Variants in RANBP2 observed in about 807,000 individuals in gnomAD.
The protein encoded by RANBP2 is E3 SUMO-protein ligase RanBP2.
In RANBP2, 57 loss-of-function variants were observed where a neutral mutation model predicts 303.6. The observed-to-expected ratio is 0.19, with a 90% confidence interval of 0.15 to 0.23. The LOEUF is 0.23. RANBP2 is among the 10% of genes least tolerant of loss of function. The pLI is 1.00. For missense variants in RANBP2, 3,138 were observed against 3,780.8 expected, an observed-to-expected ratio of 0.83 and a Z score of 4.46; for synonymous variants, 1,167 against 1,301.5, an observed-to-expected ratio of 0.90 and a Z score of 2.23.
the RANBP2 span, among the ~76,000 whole-genome samples, chr2:108,994,862 C>T: frequency 7.0e-6 from 1 of 143,428 alleles, no homozygotes; most frequent in Non-Finnish European, 1.5e-5. Context: ...CAGAGTCTCG[C>T]TCTGTCGCCC....
chr2:108,960,699 T>C, the RANBP2 span, among the ~76,000 whole-genome samples: 6 of 152,376 alleles, frequency 3.9e-5, no homozygotes, highest in East Asian at 1.2e-3. Context: ...AAATCACTGC[T>C]GGTCCTACCA....
the RANBP2 span, among the ~76,000 whole-genome samples, chr2:108,843,788 C>T: frequency 2.0e-5 from 3 of 147,956 alleles, no homozygotes; most frequent in African/African-American, 5.1e-5. Flanking sequence ...AGTCTCTGGG[C>T]ACGTTTTTTG....
chr2:109,455,296 C>G, the RANBP2 span, among the ~76,000 whole-genome samples: 1 of 152,224 alleles, frequency 6.6e-6, no homozygotes, highest in South Asian at 2.1e-4. Flanking sequence ...CCTTCTGGGT[C>G]CACATTGGAC....
the RANBP2 span, among the ~76,000 whole-genome samples, chr2:109,471,039 G>A: frequency 6.6e-6 from 1 of 151,952 alleles, no homozygotes; most frequent in African/African-American, 2.4e-5. Flanking sequence ...AGCCAACATG[G>A]TGAAACCCCA....
the RANBP2 span, among the ~76,000 whole-genome samples, chr2:108,857,616 C>T: frequency 9.2e-5 from 14 of 152,176 alleles, no homozygotes; most frequent in African/African-American, 1.4e-4. Flanking sequence ...ATTTTATCAA[C>T]GTTTTTAGCT....
chr2:108,719,513 T>G lies in RANBP2; in HGVS notation c.-94T>G. The G allele has an allele frequency of 6.5e-7, 1 of 1,538,326 alleles. No homozygotes were observed. The highest frequency in any genetic ancestry group is 8.8e-7 in the Non-Finnish European group (1 of 1,140,520). ...GTCCTCCGCCGGCTACGGCGCTGCG[T>G]CACTGGTTTGCAGGCGCTTTCCTCT... On this transcript the variant is annotated 5_prime_UTR_variant, in exon 1 of 29. Coordinates refer to ENST00000283195, the MANE Select transcript of RANBP2 (RefSeq NM_006267.5).
At chr2:109,542,355 C>T in the RANBP2 span, among the ~76,000 whole-genome samples, 5 of 152,166 alleles carry the variant, frequency 3.3e-5, no homozygotes, top group African/African-American at 9.7e-5. Flanking sequence ...CAGTACAAAA[C>T]GACCGCCCTG....
In RANBP2 at chr2:108,782,275, C is replaced by T. The variant is rs759788872; in HGVS notation, c.8908C>T (p.Arg2970Trp). ...ILWHTMKNYY[R>W]ILMRRDQVFK... is the part of the protein sequence containing the mutation. ...TTGGCATACAATGAAGAATTATTACCGGATCCTAATGAGAAGAGACCAGGT... is the reference window on the plus strand; with the variant it reads ...TTGGCATACAATGAAGAATTATTACTGGATCCTAATGAGAAGAGACCAGGT... The change falls in exon 27 of 29, where the codon CGG (arginine) becomes TGG (tryptophan). Residue 2970 changes from arginine to tryptophan, a missense_variant. Around this residue, in one of 20 missense-constraint regions of RANBP2, gnomAD observed 68 missense variants for 117.4 expected, o/e 0.58. Transcript: ENST00000283195. 6 of 1,613,968 alleles carry T rather than the reference C, an allele frequency of 3.7e-6. No individual in the cohort carries two copies. Among genetic ancestry groups the T allele is most frequent in the East Asian group, 2.2e-5 (1 of 44,878 alleles).
chr2:109,522,265 G>T, the RANBP2 span, among the ~76,000 whole-genome samples: 1 of 149,954 alleles, frequency 6.7e-6, no homozygotes, highest in Non-Finnish European at 1.5e-5. Context: ...CACCCCAAAG[G>T]TTCTCTTTTC....
the RANBP2 span, among the ~76,000 whole-genome samples, chr2:109,718,697 C>T: frequency 7.9e-5 from 12 of 152,154 alleles, no homozygotes; most frequent in African/African-American, 2.2e-4. Flanking sequence ...AATTTAATTA[C>T]GGCCAGGCGC....
the RANBP2 span, among the ~76,000 whole-genome samples, chr2:109,391,152 A>G: frequency 6.6e-6 from 1 of 152,166 alleles, no homozygotes; most frequent in Admixed American, 6.5e-5. Context: ...CTCTTCCAAA[A>G]GCCTTGCCTG....
the RANBP2 span, among the ~76,000 whole-genome samples, chr2:109,727,477 T>C: frequency 6.6e-5 from 10 of 152,226 alleles, no homozygotes; most frequent in Non-Finnish European, 1.5e-4. Context: ...TGGAAGTCTG[T>C]GTCCTTTTCA....
chr2:109,075,394 T>G, the RANBP2 span, among the ~76,000 whole-genome samples: 183 of 150,182 alleles, frequency 1.2e-3, 5 homozygotes, highest in South Asian at 4.3e-3. Context: ...CCAGCTAATT[T>G]TTGTATTTTT....
chr2:109,201,868 G>T, the RANBP2 span, among the ~76,000 whole-genome samples: 1 of 152,228 alleles, frequency 6.6e-6, no homozygotes, highest in East Asian at 1.9e-4. Context: ...ATTATGTCCT[G>T]TGTTGCTAAG....
chr2:108,949,583 A>G, the RANBP2 span, among the ~76,000 whole-genome samples: 1 of 152,226 alleles, frequency 6.6e-6, no homozygotes, highest in East Asian at 1.9e-4. Context: ...GCATCATAAA[A>G]TCTTTTTTTT....
the RANBP2 span, among the ~76,000 whole-genome samples, chr2:108,805,616 A>G: frequency 1.3e-5 from 2 of 151,764 alleles, no homozygotes; most frequent in Non-Finnish European, 2.9e-5. Context: ...AGTCCCAGCT[A>G]CTCGGGAGGC....
the RANBP2 span, among the ~76,000 whole-genome samples, chr2:108,969,209 CCTT>C: frequency 6.6e-6 from 1 of 152,088 alleles, no homozygotes; most frequent in African/African-American, 2.4e-5. Context: ...GCTTTGACAA[CCTT>C]CTTTTTTTTT....
the RANBP2 span, among the ~76,000 whole-genome samples, chr2:109,453,456 CTG>C: frequency 6.6e-6 from 1 of 152,230 alleles, no homozygotes; most frequent in Non-Finnish European, 1.5e-5. Flanking sequence ...GGTTTTGAAA[CTG>C]TGTGAGCACA....
the RANBP2 span, among the ~76,000 whole-genome samples, chr2:109,188,382 A>T: frequency 2.4e-4 from 36 of 152,320 alleles, no homozygotes; most frequent in African/African-American, 8.7e-4. Flanking sequence ...CCAGGGTTGC[A>T]TGGGAGGCTG....
Sources: gnomAD v4.1 joint callset for allele counts (sites outside exome capture counted in the v4.1 genomes callset) on GRCh38, gnomAD v4.1.1 for gene constraint, gnomAD v4.1.1 regional missense constraint, MANE v1.5 for transcripts, NCBI Gene and HGNC (gene_info 2026-07-23, HGNC 2026-07-21) for gene names.